The following LEMD1 variants were observed in gnomAD, a reference collection of about 807,000 sequenced individuals.
LEMD1 encodes the protein LEM domain containing 1, also known as LEM domain-containing protein 1.
A neutral mutation model predicts 17.4 loss-of-function variants in LEMD1; 18 were observed. The ratio of observed to expected loss-of-function variants is 1.04; its 90% CI spans 0.72 to 1.54. The LOEUF is 1.54. Among genes scored for constraint, LEMD1 ranks in the 40% most tolerant of loss-of-function variants. The pLI, the probability that LEMD1 is intolerant of heterozygous loss-of-function variation, is 0.00. For synonymous variants in LEMD1, 88 were observed against 77.8 expected, an observed-to-expected ratio of 1.13 and a Z score of -0.69; for missense variants, 195 against 210.4, an observed-to-expected ratio of 0.93 and a Z score of 0.45.
intron 3 of LEMD1, among the ~76,000 whole-genome samples, chr1:205,417,331 A>T (rs1665737826): frequency 6.6e-6 from 1 of 152,206 alleles, no homozygotes; most frequent in Admixed American, 6.5e-5. Flanking sequence ...CCCTAGCATC[A>T]ACGCACTTCT....
chr1:205,426,251 G>A (rs970251455), upstream of LEMD1, among the ~76,000 whole-genome samples: 1 of 152,170 alleles, frequency 6.6e-6, no homozygotes. Flanking sequence ...TATCCTATGA[G>A]TCCTGCATAC....
rs150988478 is a variant in LEMD1, at chr1:205,386,217, C to T, written c.271-1853G>A. 4.4e-3 allele frequency: 673 copies of T among 152,550 alleles called. 7 individuals carry two copies. Among genetic ancestry groups the T allele is most frequent in the African/African-American group, 0.013 (525 of 41,478 alleles). 9.4% of individuals were successfully genotyped at this position (152,550 alleles called of 1,614,324 possible). A position where few individuals can be genotyped will look rare whatever the true frequency, so the allele number is the denominator to read the frequency against. On this transcript the variant is annotated intron_variant, in intron 4 of 5. Coordinates refer to ENST00000367153, the MANE Select transcript of LEMD1 (RefSeq NM_001199050.2). ...GAGGGCATGGCTTGCTGTAGCATCACGCACTGCTAGTCACCATCTACCCAG... is the reference window on the plus strand; with the variant it reads ...GAGGGCATGGCTTGCTGTAGCATCATGCACTGCTAGTCACCATCTACCCAG...
chr1:205,381,603 G>A lies in LEMD1; in HGVS notation c.*55C>T, dbSNP rs2102324227. ...GCTGGCCCTTCAGGGTAGTGTTTTG[G>A]TTCTTTCCTGAAGCAGGAGGCCTCG... On this transcript the variant is annotated 3_prime_UTR_variant, in exon 6 of 6. Coordinates refer to ENST00000367153, the MANE Select transcript of LEMD1 (RefSeq NM_001199050.2). The A allele has an allele frequency of 1.3e-6, 2 of 1,567,292 alleles. No homozygotes were observed. The highest frequency in any genetic ancestry group is 1.8e-6 in the Non-Finnish European group (2 of 1,137,652).
At chr1:205,424,185 A>C (rs1166328856), upstream of LEMD1, among the ~76,000 whole-genome samples, 1 of 152,238 alleles carries the variant, frequency 6.6e-6, no homozygotes, top group Non-Finnish European at 1.5e-5. Flanking sequence ...AACTAAAGCA[A>C]AGATCAGCAG....
intron 1 of LEMD1, among the ~76,000 whole-genome samples, chr1:205,430,247 G>A (rs1435122945): frequency 6.6e-6 from 1 of 152,212 alleles, no homozygotes; most frequent in African/African-American, 2.4e-5. Context: ...GCCCGCCCAA[G>A]CGCTGACCAG....
In LEMD1 at chr1:205,381,538, T is replaced by C. The variant is rs1663692224; in HGVS notation, c.*120A>G. The C allele has an allele frequency of 1.1e-6, 1 of 951,794 alleles. No homozygotes were observed. The highest frequency in any genetic ancestry group is 2.4e-5 in the East Asian group (1 of 41,754). The allele number at this position is 951,794 out of a possible 1,614,324, so 59.0% of individuals were successfully genotyped here. A position where few individuals can be genotyped will look rare whatever the true frequency, so the allele number is the denominator to read the frequency against. ...ACACCGATCTGTGAGAGCAGCACAG[T>C]GCAAGGGAAGGCTCCCTGCAAGGGA... On this transcript the variant is annotated 3_prime_UTR_variant, in exon 6 of 6. Transcript: ENST00000367153.
upstream of LEMD1, among the ~76,000 whole-genome samples, chr1:205,423,182 A>G (rs1328030555): frequency 6.6e-6 from 1 of 152,128 alleles, no homozygotes; most frequent in Non-Finnish European, 1.5e-5. Flanking sequence ...GTGGGTGGTT[A>G]TGAAGGCTCA....
chr1:205,413,874 G>A (rs1665572610), intron 4 of LEMD1, among the ~76,000 whole-genome samples: 1 of 151,734 alleles, frequency 6.6e-6, no homozygotes, highest in Non-Finnish European at 1.5e-5. Context: ...GACTGGTCTC[G>A]AACTCCTGGC....
chr1:205,410,156 A>C lies in LEMD1; in HGVS notation c.270+6076T>G, dbSNP rs1371498631. ...AAACTGGTCTTGCACTCCTGGGCTC[A>C]AGTGATCCTCCTGCCTCAGCCTCCC... On this transcript the variant is annotated intron_variant, in intron 4 of 5. Coordinates refer to ENST00000367153, the MANE Select transcript of LEMD1 (RefSeq NM_001199050.2). Among the ~76,000 whole-genome samples, 3 of 152,086 alleles carry C rather than the reference A, an allele frequency of 2.0e-5. No individual in the cohort carries two copies. The East Asian group carries it at 5.8e-4, about 29-fold the overall frequency.
chr1:205,419,496 C>CAAATAAA, intron 2 of LEMD1, 144 bp from the exon 3 acceptor site: 3 of 914,094 alleles, frequency 3.3e-6, no homozygotes, highest in Non-Finnish European at 4.9e-6. Flanking sequence ...GACAGGGTCT[C>CAAATAAA]ACTGTGTCTC....
chr1:205,401,664 G>A (rs75335361), intron 4 of LEMD1, among the ~76,000 whole-genome samples: 46,716 of 151,964 alleles, frequency 0.31, 7,527 homozygotes, highest in African/African-American at 0.38. Flanking sequence ...TCACTCTTTT[G>A]CTGTGGTAGT....
intron 3 of LEMD1, among the ~76,000 whole-genome samples, chr1:205,418,640 C>T (rs753180299): frequency 1.3e-5 from 2 of 152,156 alleles, no homozygotes; most frequent in Admixed American, 6.5e-5. Flanking sequence ...CTCAGCCTCC[C>T]GAGTAGCTGG....
intron 4 of LEMD1, among the ~76,000 whole-genome samples, chr1:205,409,311 T>A (rs1206719665): frequency 6.6e-6 from 1 of 152,366 alleles, no homozygotes; most frequent in African/African-American, 2.4e-5. Flanking sequence ...TTTTCCATTA[T>A]GTTATTTTTC....
At chr1:205,382,426 T>TA (rs1663757130) in intron 5 of LEMD1, among the ~76,000 whole-genome samples, 1 of 151,928 alleles carries the variant, frequency 6.6e-6, no homozygotes, top group Non-Finnish European at 1.5e-5. Context: ...CCAAAAAAAT[T>TA]AAAAAATAAA....
At chr1:205,449,611 C>A (rs932657433) in intron 1 of LEMD1, among the ~76,000 whole-genome samples, 3 of 150,320 alleles carry the variant, frequency 2.0e-5, no homozygotes, top group African/African-American at 7.4e-5. Context: ...CAGCACAGCA[C>A]AGCACGCCCC....
At chr1:205,449,384 TC>T (rs1269241954) in intron 1 of LEMD1, among the ~76,000 whole-genome samples, 1 of 151,946 alleles carries the variant, frequency 6.6e-6, no homozygotes, top group Non-Finnish European at 1.5e-5. Flanking sequence ...CTCAGACCTC[TC>T]CCAGGGGCCC....
In LEMD1 at chr1:205,383,049, A is replaced by G. The variant is rs544717902; in HGVS notation, c.348-1193T>C. Among the ~76,000 whole-genome samples the G allele has an allele frequency of 5.3e-5, 8 of 152,316 alleles. No individual in the cohort carries two copies. In the South Asian group the frequency reaches 1.7e-3, roughly 32 times the overall value. On this transcript the variant is annotated intron_variant, in intron 5 of 5. Coordinates refer to ENST00000367153, the MANE Select transcript of LEMD1 (RefSeq NM_001199050.2). Reference sequence around the variant, plus strand: ...TTTATTCGTTTTTAAAAATTGATACATAATAGATTTACATATTTGAGGGTA... The same window carrying G: ...TTTATTCGTTTTTAAAAATTGATACGTAATAGATTTACATATTTGAGGGTA...
At chr1:205,409,906 G>T (rs1216187681) in intron 4 of LEMD1, among the ~76,000 whole-genome samples, 1 of 151,128 alleles carries the variant, frequency 6.6e-6, no homozygotes, top group Non-Finnish European at 1.5e-5. Context: ...TGGAGTATCT[G>T]GGATTACAGG....
intron 4 of LEMD1, among the ~76,000 whole-genome samples, chr1:205,388,474 C>A (rs764129739): frequency 6.6e-6 from 1 of 152,142 alleles, no homozygotes; most frequent in Non-Finnish European, 1.5e-5. Flanking sequence ...CAAGTGTGAG[C>A]CACCATGCCT....
Sources: gnomAD v4.1 joint callset for allele counts (sites outside exome capture counted in the v4.1 genomes callset) on GRCh38, gnomAD v4.1.1 for gene constraint, MANE v1.5 for transcripts, NCBI Gene and HGNC (gene_info 2026-07-23, HGNC 2026-07-21) for gene names.